Variants in FRMD4B observed in about 807,000 individuals in gnomAD.
FRMD4B encodes the protein FERM domain containing 4B, also known as FERM domain-containing protein 4B.
In FRMD4B, 74 loss-of-function variants were observed where a neutral mutation model predicts 141.5. The observed-to-expected ratio is 0.52, with a 90% CI of 0.43 to 0.63. FRMD4B has a LOEUF of 0.63. Ranked by LOEUF, FRMD4B falls within the 30% of genes least tolerant of loss-of-function variation. The probability of loss-of-function intolerance (pLI) is 0.00; values close to 1 mark genes in which losing one functional copy is unlikely to be tolerated. For synonymous variants in FRMD4B, 506 were observed against 467.9 expected (o/e 1.08, Z -1.05); for missense variants, 1,366 against 1,253.4 (o/e 1.09, Z -1.36).
intron 2 of FRMD4B, among the ~76,000 whole-genome samples, chr3:69,404,912 A>G (rs1053456961): frequency 2.6e-5 from 4 of 152,234 alleles, no homozygotes; most frequent in Non-Finnish European, 5.9e-5. Context: ...CTCAGGGCTT[A>G]TCACAGTGCT....
chr3:69,220,534 T>C (rs1400417827), intron 9 of FRMD4B, among the ~76,000 whole-genome samples: 1 of 152,182 alleles, frequency 6.6e-6, no homozygotes, highest in Non-Finnish European at 1.5e-5. Flanking sequence ...GCTGCAAAGA[T>C]AACAGAAGGT....
At chr3:69,489,322 A>C (rs1212823243) in intron 1 of FRMD4B, among the ~76,000 whole-genome samples, 1 of 149,902 alleles carries the variant, frequency 6.7e-6, no homozygotes, top group Non-Finnish European at 1.5e-5. Flanking sequence ...ATGTATACAT[A>C]TATAAATGAG....
intron 18 of FRMD4B, among the ~76,000 whole-genome samples, chr3:69,188,787 TG>T (rs2092801502): frequency 7.4e-6 from 1 of 134,504 alleles, no homozygotes; most frequent in Non-Finnish European, 1.5e-5. Context: ...AAAAAAAACT[TG>T]GGGAAGATAA....
At chr3:69,320,613 A>C (rs1701964652) in intron 1 of FRMD4B, among the ~76,000 whole-genome samples, 3 of 152,210 alleles carry the variant, frequency 2.0e-5, no homozygotes, top group Non-Finnish European at 4.4e-5. Flanking sequence ...ATTTGAAAAG[A>C]GCTGTATGTG....
intron 1 of FRMD4B, among the ~76,000 whole-genome samples, chr3:69,318,001 T>G (rs1408899646): frequency 6.6e-6 from 1 of 152,086 alleles, no homozygotes; most frequent in African/African-American, 2.4e-5. Context: ...TGAGATAGTC[T>G]CACTCTGTCA....
chr3:69,267,923 G>C (rs2093575628), intron 5 of FRMD4B, among the ~76,000 whole-genome samples: 1 of 151,696 alleles, frequency 6.6e-6, no homozygotes, highest in Non-Finnish European at 1.5e-5. Flanking sequence ...GTGGGCCACT[G>C]TGCCTGGCCT....
At chr3:69,423,801 G>T (rs142779867) in intron 2 of FRMD4B, among the ~76,000 whole-genome samples, 60 of 152,220 alleles carry the variant, frequency 3.9e-4, no homozygotes, top group African/African-American at 1.1e-3. Flanking sequence ...CCTTATCAGG[G>T]TCTACCAAAT....
chr3:69,487,472 A>G (rs1031086456), intron 1 of FRMD4B, among the ~76,000 whole-genome samples: 1 of 152,190 alleles, frequency 6.6e-6, no homozygotes, highest in African/African-American at 2.4e-5. Flanking sequence ...GCCTATCTGG[A>G]AGAGAAAGAG....
chr3:69,281,029 C>A (rs990158800), intron 5 of FRMD4B, among the ~76,000 whole-genome samples: 19 of 152,228 alleles, frequency 1.2e-4, no homozygotes, highest in Admixed American at 1.1e-3. Context: ...CTCCTGAGTT[C>A]AAGCGATTCT....
At chr3:69,481,207 GCTGCACCCACTGTC>G in intron 1 of FRMD4B, among the ~76,000 whole-genome samples, 1 of 152,220 alleles carries the variant, frequency 6.6e-6, no homozygotes, top group East Asian at 1.9e-4. Context: ...CGCACGGTGT[GCTGCACCCACTGTC>G]CTGCGCCCAC....
intron 5 of FRMD4B, among the ~76,000 whole-genome samples, chr3:69,268,612 A>G (rs2093579532): frequency 6.6e-6 from 1 of 152,032 alleles, no homozygotes; most frequent in African/African-American, 2.4e-5. Flanking sequence ...AAAAAGAAAA[A>G]ATGCAAGGTG....
intron 1 of FRMD4B, among the ~76,000 whole-genome samples, chr3:69,540,868 G>A (rs1168411435): frequency 6.6e-6 from 1 of 151,796 alleles, no homozygotes; most frequent in African/African-American, 2.4e-5. Flanking sequence ...CAAGGGCTAG[G>A]TTTACCACTT....
At chr3:69,313,086 C>A (rs1701657137) in intron 2 of FRMD4B, among the ~76,000 whole-genome samples, 1 of 152,156 alleles carries the variant, frequency 6.6e-6, no homozygotes, top group African/African-American at 2.4e-5. Flanking sequence ...CAGATTCTCA[C>A]CTCACAGTAA....
chr3:69,296,636 C>T (rs1559786777), intron 4 of FRMD4B, among the ~76,000 whole-genome samples: 1 of 152,160 alleles, frequency 6.6e-6, no homozygotes, highest in African/African-American at 2.4e-5. Context: ...CTCAAGTAAC[C>T]TCAGCTCAGC....
chr3:69,485,308 C>T (rs377146287), intron 1 of FRMD4B, among the ~76,000 whole-genome samples: 1 of 152,198 alleles, frequency 6.6e-6, no homozygotes, highest in East Asian at 1.9e-4. Context: ...CCTGCAAGGG[C>T]AAGTGGGGCC....
intron 1 of FRMD4B, among the ~76,000 whole-genome samples, chr3:69,537,818 G>A (rs1701110251): frequency 6.6e-6 from 1 of 152,228 alleles, no homozygotes; most frequent in Non-Finnish European, 1.5e-5. Flanking sequence ...CAGCCTGTGT[G>A]CATTAGGCAC....
rs73099825 is a variant in FRMD4B, at chr3:69,238,306, G to A, written c.581+10920C>T. Among the ~76,000 whole-genome samples the A allele has an allele frequency of 3.8e-3, 579 of 152,294 alleles. 2 individuals carry two copies. The highest frequency in any genetic ancestry group is 6.1e-3 in the Admixed American group (94 of 15,294). On this transcript the variant is annotated intron_variant, in intron 7 of 22. Transcript: ENST00000398540. ...CCTATGATTTGCAGTAATACGGTTTGGCCTTTAGAACTGCATTCAGTCCCA... is the reference window on the plus strand; with the variant it reads ...CCTATGATTTGCAGTAATACGGTTTAGCCTTTAGAACTGCATTCAGTCCCA...
At chr3:69,315,862 C>CTATATATA (rs1431405581) in intron 1 of FRMD4B, among the ~76,000 whole-genome samples, 1 of 152,176 alleles carries the variant, frequency 6.6e-6, no homozygotes, top group Non-Finnish European at 1.5e-5. Context: ...TTGTACAAAA[C>CTATATATA]TATAAGTTTT....
chr3:69,214,949 G>A (rs962083502), intron 11 of FRMD4B, among the ~76,000 whole-genome samples: 19 of 151,868 alleles, frequency 1.3e-4, no homozygotes, highest in Non-Finnish European at 2.5e-4. Flanking sequence ...GCGTGATCTC[G>A]GCTCACTGCA....
Sources: allele counts gnomAD v4.1 joint callset (sites outside exome capture counted in the v4.1 genomes callset), GRCh38; gene constraint gnomAD v4.1.1; transcripts MANE v1.5; gene names NCBI Gene and HGNC (gene_info 2026-07-23, HGNC 2026-07-21).